The following SHE variants were observed in gnomAD, a reference collection of about 807,000 sequenced individuals.
SHE encodes Src homology 2 domain containing E.
SHE carries 11 observed loss-of-function variants against 49.8 expected under a neutral mutation model. That is an observed-to-expected ratio of 0.22 (90% CI 0.14 to 0.37). The LOEUF (loss-of-function observed/expected upper bound fraction) is 0.37, where lower values mean the gene tolerates loss of function less well. Among genes scored for constraint, SHE ranks in the 10% least tolerant of loss-of-function variants. SHE has a pLI of 1.00. For synonymous variants in SHE, 310 were observed against 278.1 expected (o/e 1.11, Z -1.14); for missense variants, 624 against 655.5 (o/e 0.95, Z 0.52).
intron 2 of SHE, among the ~76,000 whole-genome samples, chr1:154,496,343 G>A (rs541590201): frequency 6.6e-6 from 1 of 152,100 alleles, no homozygotes; most frequent in African/African-American, 2.4e-5. Context: ...TATTAATTTT[G>A]TATTCCTAAA....
At position 154,489,294 on chromosome 1, in the gene SHE, A is replaced by G; in HGVS notation, c.781T>C (p.Cys261Arg). Residue 261 changes from cysteine to arginine, a missense_variant, in exon 3 of 6, where the codon TGT becomes CGT. Around this residue, in one of 4 missense-constraint regions of SHE, gnomAD observed 155 missense variants for 142.0 expected, o/e 1.09. Transcript: ENST00000304760. ...TTCAGGCCACCGTCTGCGGGTTCAC[A>G]GGGACTGTCAAGCAGCTGGAGAGCC... ...VKALQLLDSP[C>R]EPADGGLKSE... The G allele has an allele frequency of 6.2e-7, 1 of 1,614,226 alleles. No homozygotes were observed. The highest frequency in any genetic ancestry group is 8.5e-7 in the Non-Finnish European group (1 of 1,180,026).
Position 154,489,291 on chromosome 1 carries a change from C to T in SHE, c.784G>A (p.Glu262Lys). 6.2e-7 allele frequency: 1 copy of T among 1,614,238 alleles called. No individual in the cohort carries two copies. Among genetic ancestry groups the T allele is most frequent in the Non-Finnish European group, 8.5e-7 (1 of 1,180,040 alleles). The change falls in exon 3 of 6, where the codon GAA (glutamate) becomes AAA (lysine). Residue 262 changes from glutamate to lysine, a missense_variant. Physicochemically the swap from Glu to Lys is moderately conservative, Grantham distance 56 (BLOSUM62 1). Transcript: ENST00000304760. The part of the protein sequence containing the change: ...KALQLLDSPC[E>K]PADGGLKSET... ...GATTTCAGGCCACCGTCTGCGGGTT[C>T]ACAGGGACTGTCAAGCAGCTGGAGA...
At chr1:154,477,634 T>C (rs1322731121), downstream of SHE, among the ~76,000 whole-genome samples, 1 of 152,156 alleles carries the variant, frequency 6.6e-6, no homozygotes, top group African/African-American at 2.4e-5. Context: ...GTCATGCCTA[T>C]AATCTCAGCA....
Position 154,502,160 on chromosome 1 carries a change from CCT to C in SHE, c.-136_-135del, listed in dbSNP as rs1243746997. On this transcript the variant is annotated 5_prime_UTR_variant, in exon 1 of 6. Coordinates refer to ENST00000304760, the MANE Select transcript of SHE (RefSeq NM_001010846.3). ...GGGGCGCCGAGCGGGCGGGCGCTAGCCTCTGCTCCGGACACGGCAGGCGACAG... is the reference window on the plus strand; with the variant it reads ...GGGGCGCCGAGCGGGCGGGCGCTAGCCTGCTCCGGACACGGCAGGCGACAG... 1 of 677,644 alleles carries C rather than the reference CCT, an allele frequency of 1.5e-6. No individual in the cohort carries two copies. Among genetic ancestry groups the C allele is most frequent in the East Asian group, 4.8e-5 (1 of 20,712 alleles). The allele number at this position is 677,644 out of a possible 1,614,324, so 42.0% of individuals were successfully genotyped here. A position where few individuals can be genotyped will look rare whatever the true frequency, so the allele number is the denominator to read the frequency against.
chr1:154,499,584 T>TAC (rs1270743561), intron 1 of SHE, among the ~76,000 whole-genome samples: 2 of 152,138 alleles, frequency 1.3e-5, no homozygotes, highest in African/African-American at 4.8e-5. Flanking sequence ...ATAAAGGGTA[T>TAC]GTGGCTTTAC....
At position 154,489,125 on chromosome 1, in the gene SHE, T is replaced by TTC; in HGVS notation, c.948_949dup (p.Asn317ArgfsTer42). On this transcript the variant is annotated frameshift_variant, in exon 3 of 6. Coordinates refer to ENST00000304760, the MANE Select transcript of SHE (RefSeq NM_001010846.3). LOFTEE classifies it high-confidence loss of function. Reference sequence around the variant, plus strand: ...GTACTCTGCCGCGGGCCTCTCGTCGTTCTCGGGCAGCCGGCTGTCTGGGGG... The same window carrying TTC: ...GTACTCTGCCGCGGGCCTCTCGTCGTTCTCTCGGGCAGCCGGCTGTCTGGGGG... 4 of 1,613,718 alleles carry TTC rather than the reference T, an allele frequency of 2.5e-6. No individual in the cohort carries two copies. Among genetic ancestry groups the TTC allele is most frequent in the Non-Finnish European group, 3.4e-6 (4 of 1,179,772 alleles).
Position 154,481,838 on chromosome 1 carries a change from T to A in SHE, c.*2311A>T. The A allele has an allele frequency of 1.0e-6, 1 of 970,890 alleles. No individual in the cohort carries two copies. Among genetic ancestry groups the A allele is most frequent in the African/African-American group, 1.8e-5 (1 of 57,048 alleles). 60.1% of individuals were successfully genotyped at this position (970,890 alleles called of 1,614,324 possible). A position where few individuals can be genotyped will look rare whatever the true frequency, so the allele number is the denominator to read the frequency against. On this transcript the variant is annotated 3_prime_UTR_variant, in exon 6 of 6. Transcript: ENST00000304760. The stretch of plus-strand genomic sequence containing the variant: ...TTCTATCAGTATCTGAAAAAAACAT[T>A]CCTTTTGGTTTTTTGTTTGCTTGCT...
At chr1:154,475,134 C>T (rs1691846501), downstream of SHE, among the ~76,000 whole-genome samples, 1 of 152,090 alleles carries the variant, frequency 6.6e-6, no homozygotes, top group Admixed American at 6.6e-5. Context: ...AGGGCAGGGG[C>T]CAGGTGGGAG....
chr1:154,501,325 C>G, intron 1 of SHE, 111 bp downstream of exon 1: 1 of 986,234 alleles, frequency 1.0e-6, no homozygotes, highest in Non-Finnish European at 1.5e-6. Flanking sequence ...GAGAAAGGAC[C>G]TTAGGAAACC....
rs938655431 is a variant in SHE, at chr1:154,480,218, C to T, written c.*3931G>A. On this transcript the variant is annotated 3_prime_UTR_variant, in exon 6 of 6. Coordinates refer to ENST00000304760, the MANE Select transcript of SHE (RefSeq NM_001010846.3). Reference sequence around the variant, plus strand: ...GGAAAAATAGGAGACAACTAGTGAACGAGAGATCTGTGAAGGGTTTCAGTG... The same window carrying T: ...GGAAAAATAGGAGACAACTAGTGAATGAGAGATCTGTGAAGGGTTTCAGTG... The T allele has an allele frequency of 7.1e-6, 7 of 985,372 alleles. No individual in the cohort carries two copies. Among genetic ancestry groups the T allele is most frequent in the Non-Finnish European group, 7.2e-6 (6 of 829,946 alleles). 61.0% of individuals were successfully genotyped at this position (985,372 alleles called of 1,614,324 possible).
At chr1:154,477,606 C>T (rs1691908612), downstream of SHE, among the ~76,000 whole-genome samples, 1 of 152,040 alleles carries the variant, frequency 6.6e-6, no homozygotes, top group African/African-American at 2.4e-5. Flanking sequence ...TGCAGAAACT[C>T]TGGGCTGGGA....
chr1:154,480,048 A>G lies in SHE; in HGVS notation c.*4101T>C, dbSNP rs764609172. On this transcript the variant is annotated 3_prime_UTR_variant, in exon 6 of 6. Coordinates refer to ENST00000304760, the MANE Select transcript of SHE (RefSeq NM_001010846.3). ...GCACCATCTCTCTTCACACAGGGTC[A>G]GCGGTGGAGGGTAAGTTGAACAGAA... is the stretch of plus-strand genomic sequence containing the variant. 88 of 985,412 alleles carry G rather than the reference A, an allele frequency of 8.9e-5. No homozygotes were observed. Among genetic ancestry groups the G allele is most frequent in the Admixed American group, 5.5e-4 (9 of 16,266 alleles). The allele number at this position is 985,412 out of a possible 1,614,324, so 61.0% of individuals were successfully genotyped here.
At chr1:154,476,875 C>G (rs978131391), downstream of SHE, among the ~76,000 whole-genome samples, 3 of 152,128 alleles carry the variant, frequency 2.0e-5, no homozygotes, top group African/African-American at 7.2e-5. Context: ...AATTAGAAGG[C>G]AATCATTTAA....
chr1:154,499,985 G>A (rs1301392989), intron 1 of SHE, among the ~76,000 whole-genome samples: 1 of 152,152 alleles, frequency 6.6e-6, no homozygotes, highest in Non-Finnish European at 1.5e-5. Context: ...CAGAGGGTAG[G>A]GGACCCTTCT....
In SHE at chr1:154,482,399, G is replaced by C. The variant is rs1692045001; in HGVS notation, c.*1750C>G. ...AAAATCAAAGATCACACAACCTTTTGGCTGAGATCTTATCTGAATAAAGAA... is the reference window on the plus strand; with the variant it reads ...AAAATCAAAGATCACACAACCTTTTCGCTGAGATCTTATCTGAATAAAGAA... On this transcript the variant is annotated 3_prime_UTR_variant, in exon 6 of 6. Transcript: ENST00000304760. 1 of 985,240 alleles carries C rather than the reference G, an allele frequency of 1.0e-6. No homozygotes were observed. The highest frequency in any genetic ancestry group is 1.2e-6 in the Non-Finnish European group (1 of 829,862). 61.0% of individuals were successfully genotyped at this position (985,240 alleles called of 1,614,324 possible).
At chr1:154,478,356 A>AG (rs1384179938), downstream of SHE, among the ~76,000 whole-genome samples, 1 of 149,506 alleles carries the variant, frequency 6.7e-6, no homozygotes, top group South Asian at 2.2e-4. Context: ...TCCCAAGGCC[A>AG]GGCTGTGCAG....
At position 154,501,782 on chromosome 1, in the gene SHE, C is replaced by A; in HGVS notation, c.245G>T (p.Arg82Leu). The change falls in exon 1 of 6, where the codon CGC becomes CTC. Residue 82 changes from arginine to leucine, a missense_variant. By Grantham distance (102) the Arg-to-Leu change is moderately radical. Transcript: ENST00000304760. ...GGAGPGPGKG[R>L]KNSAAELGSG... ...CCCCAGCTCGGCCGCCGAGTTCTTG[C>A]GGCCCTTGCCAGGACCCGGCCCAGC... 6.4e-7 allele frequency: 1 copy of A among 1,560,616 alleles called. No homozygotes were observed. The highest frequency in any genetic ancestry group is 8.6e-7 in the Non-Finnish European group (1 of 1,160,212).
At chr1:154,498,669 T>C (rs1015999740) in intron 2 of SHE, among the ~76,000 whole-genome samples, 2 of 152,180 alleles carry the variant, frequency 1.3e-5, no homozygotes, top group Non-Finnish European at 2.9e-5. Context: ...GTGCTGGGAT[T>C]ATAGGCACGA....
In SHE at chr1:154,495,847, T is replaced by C. The variant is rs570442256; in HGVS notation, c.718+3265A>G. Among the ~76,000 whole-genome samples, 60 of 152,020 alleles carry C rather than the reference T, an allele frequency of 3.9e-4. 1 individual carries two copies. The highest frequency in any genetic ancestry group is 2.0e-3 in the Admixed American group (31 of 15,276). Reference sequence around the variant, plus strand: ...AGGCCTGTAATTCCCATTTCACCGGTAGAAAAAAGGCAATGCAAAGAATGG... The same window carrying C: ...AGGCCTGTAATTCCCATTTCACCGGCAGAAAAAAGGCAATGCAAAGAATGG... On this transcript the variant is annotated intron_variant, in intron 2 of 5. Coordinates refer to ENST00000304760, the MANE Select transcript of SHE (RefSeq NM_001010846.3).
Sources: gnomAD v4.1 joint callset for allele counts (sites outside exome capture counted in the v4.1 genomes callset) on GRCh38, gnomAD v4.1.1 for gene constraint, gnomAD v4.1.1 regional missense constraint, MANE v1.5 for transcripts, NCBI Gene and HGNC (gene_info 2026-07-23, HGNC 2026-07-21) for gene names.